Variants in KATNAL1 observed in about 807,000 individuals in gnomAD.
KATNAL1 encodes the protein katanin catalytic subunit A1 like 1.
In KATNAL1, 32 loss-of-function variants were observed where a neutral mutation model predicts 55.2. The observed-to-expected ratio is 0.58, with a 90% CI of 0.44 to 0.78. KATNAL1 has a LOEUF of 0.78. KATNAL1 is among the 30% of genes least tolerant of loss of function. The pLI is 0.00. For synonymous variants in KATNAL1, 193 were observed against 193.6 expected, an observed-to-expected ratio of 1.00 and a Z score of 0.02; for missense variants, 466 against 600.9, an observed-to-expected ratio of 0.78 and a Z score of 2.35.
At chr13:30,218,824 G>A (rs1420097013) in intron 9 of KATNAL1, among the ~76,000 whole-genome samples, 1 of 152,102 alleles carries the variant, frequency 6.6e-6, no homozygotes, top group Non-Finnish European at 1.5e-5. Flanking sequence ...CAGCTGTGGA[G>A]TCACCCCCAA....
At chr13:30,277,249 T>C (rs1880910284) in intron 3 of KATNAL1, among the ~76,000 whole-genome samples, 1 of 152,258 alleles carries the variant, frequency 6.6e-6, no homozygotes. Flanking sequence ...AAGAATGCTG[T>C]AGTCCTTTAT....
At chr13:30,306,534 C>T (rs1883188615) in intron 1 of KATNAL1, among the ~76,000 whole-genome samples, 1 of 152,120 alleles carries the variant, frequency 6.6e-6, no homozygotes, top group Non-Finnish European at 1.5e-5. Context: ...GTTAAAAATG[C>T]CAGATACCAC....
chr13:30,235,341 T>C (rs927509877), intron 6 of KATNAL1, among the ~76,000 whole-genome samples: 1 of 152,118 alleles, frequency 6.6e-6, no homozygotes, highest in Non-Finnish European at 1.5e-5. Context: ...AGAACTCACA[T>C]GGCAAGAACA....
intron 3 of KATNAL1, among the ~76,000 whole-genome samples, chr13:30,271,555 G>A (rs1880361677): frequency 6.6e-6 from 1 of 152,094 alleles, no homozygotes; most frequent in Non-Finnish European, 1.5e-5. Context: ...TTAACAACCA[G>A]ATCTCTTGAG....
intron 9 of KATNAL1, among the ~76,000 whole-genome samples, chr13:30,219,534 G>A (rs998509847): frequency 6.6e-6 from 1 of 152,162 alleles, no homozygotes; most frequent in African/African-American, 2.4e-5. Context: ...GGCTTCCAAA[G>A]CAGTTCTTTA....
At chr13:30,274,898 C>CGCGCGT (rs1391836715) in intron 3 of KATNAL1, among the ~76,000 whole-genome samples, 1,267 of 99,060 alleles carry the variant, frequency 0.013, 24 homozygotes, top group African/African-American at 0.041. Context: ...CATACGCGCG[C>CGCGCGT]GCGCGCGCGC....
At chr13:30,254,069 T>TTC (rs140452387) in intron 4 of KATNAL1, among the ~76,000 whole-genome samples, 5,941 of 152,218 alleles carry the variant, frequency 0.039, 149 homozygotes, top group African/African-American at 0.066. Context: ...TCACCATGGT[T>TTC]TCTCTTATGT....
At position 30,261,314 on chromosome 13, in the gene KATNAL1, C is replaced by T. The variant is rs1019490515; in HGVS notation, c.324-5699G>A. ...ACTAGGAAGAAACTGCATCAACTAA[C>T]GAGCAAAATAACCAGCTAACATCAT... On this transcript the variant is annotated intron_variant, in intron 3 of 10. Transcript: ENST00000380615. Among the ~76,000 whole-genome samples the T allele has an allele frequency of 6.7e-3, 1,016 of 151,544 alleles. 6 individuals carry two copies. Among genetic ancestry groups the T allele is most frequent in the Non-Finnish European group, 0.011 (729 of 67,802 alleles).
intron 3 of KATNAL1, among the ~76,000 whole-genome samples, chr13:30,271,068 T>C (rs959440807): frequency 6.6e-5 from 10 of 152,216 alleles, no homozygotes; most frequent in Non-Finnish European, 1.3e-4. Flanking sequence ...GCATTTGCCA[T>C]GTGAACATCA....
intron 10 of KATNAL1, among the ~76,000 whole-genome samples, chr13:30,209,558 G>C (rs1224625994): frequency 6.6e-6 from 1 of 152,222 alleles, no homozygotes; most frequent in Non-Finnish European, 1.5e-5. Context: ...AATAACTGCA[G>C]TGACAGGAAC....
At chr13:30,227,812 A>G (rs946366507) in intron 8 of KATNAL1, among the ~76,000 whole-genome samples, 2 of 152,072 alleles carry the variant, frequency 1.3e-5, no homozygotes, top group Non-Finnish European at 2.9e-5. Context: ...TCCAATAAAA[A>G]CATCCATTTT....
chr13:30,219,976 T>C (rs1466827137), intron 9 of KATNAL1, among the ~76,000 whole-genome samples: 1 of 152,222 alleles, frequency 6.6e-6, no homozygotes, highest in African/African-American at 2.4e-5. Flanking sequence ...TTTCTACTTA[T>C]GTTTTTCTCC....
At chr13:30,219,443 C>T (rs144226226) in intron 9 of KATNAL1, among the ~76,000 whole-genome samples, 34 of 152,356 alleles carry the variant, frequency 2.2e-4, no homozygotes, top group South Asian at 1.0e-3. Context: ...GGATTCCTCC[C>T]TGTCCGTTCC....
At chr13:30,272,930 C>T (rs773906303) in intron 3 of KATNAL1, among the ~76,000 whole-genome samples, 17 of 152,224 alleles carry the variant, frequency 1.1e-4, no homozygotes, top group East Asian at 3.9e-4. Context: ...ATTGCATAAG[C>T]GCTCACCTCT....
At chr13:30,301,599 T>C (rs1038762146) in intron 1 of KATNAL1, among the ~76,000 whole-genome samples, 1 of 152,148 alleles carries the variant, frequency 6.6e-6, no homozygotes, top group Non-Finnish European at 1.5e-5. Context: ...ATTTAAATAA[T>C]TTGCCCATAG....
chr13:30,222,394 C>T (rs184100768), intron 9 of KATNAL1, among the ~76,000 whole-genome samples: 2 of 152,290 alleles, frequency 1.3e-5, no homozygotes, highest in African/African-American at 2.4e-5. Context: ...AGATTTTGGA[C>T]TTACCAGCCC....
At chr13:30,218,547 A>C (rs9508683) in intron 9 of KATNAL1, among the ~76,000 whole-genome samples, 13,741 of 151,880 alleles carry the variant, frequency 0.09, 830 homozygotes, top group South Asian at 0.18. Context: ...TGATCCTACC[A>C]CTCCCCAAAC....
At chr13:30,290,239 G>C (rs1882046479) in intron 1 of KATNAL1, among the ~76,000 whole-genome samples, 2 of 151,396 alleles carry the variant, frequency 1.3e-5, no homozygotes, top group Non-Finnish European at 2.9e-5. Flanking sequence ...AGAAAAACAA[G>C]AGAAAATTTC....
chr13:30,282,057 T>G (rs1381000924), intron 2 of KATNAL1, among the ~76,000 whole-genome samples: 3 of 152,078 alleles, frequency 2.0e-5, no homozygotes, highest in Non-Finnish European at 4.4e-5. Flanking sequence ...AATTCTTTTT[T>G]AAAAGTTACA....
Sources: gnomAD v4.1 joint callset for allele counts (sites outside exome capture counted in the v4.1 genomes callset) on GRCh38, gnomAD v4.1.1 for gene constraint, MANE v1.5 for transcripts, NCBI Gene and HGNC (gene_info 2026-07-23, HGNC 2026-07-21) for gene names.